OSBPL8: variants seen among roughly 807,000 people sequenced by gnomAD.
OSBPL8 encodes the protein oxysterol binding protein like 8, also known as oxysterol-binding protein-related protein 8.
Under a neutral mutation model 125.5 loss-of-function variants are expected in OSBPL8, and 59 were observed. That is an observed-to-expected ratio of 0.47 (90% CI 0.38 to 0.58). OSBPL8 has a LOEUF of 0.58. OSBPL8 is among the 20% of genes least tolerant of loss of function. The pLI, the probability that OSBPL8 is intolerant of heterozygous loss-of-function variation, is 0.00. For missense variants in OSBPL8, 758 were observed against 1,047.8 expected, an observed-to-expected ratio of 0.72 and a Z score of 3.82; for synonymous variants, 330 against 338.9, an observed-to-expected ratio of 0.97 and a Z score of 0.29.
At chr12:76,358,610 CACA>C in intron 22 of OSBPL8, 93 bp downstream of exon 22, 1 of 1,101,756 alleles carries the variant, frequency 9.1e-7, no homozygotes, top group Non-Finnish European at 1.4e-6. Flanking sequence ...GACCAAAACT[CACA>C]TAACTTGAGT....
chr12:76,506,907 C>T (rs1489553835), intron 1 of OSBPL8, among the ~76,000 whole-genome samples: 2 of 152,012 alleles, frequency 1.3e-5, no homozygotes, highest in Admixed American at 6.5e-5. Flanking sequence ...TGGCAGTAGG[C>T]TGTAAGGAAC....
intron 1 of OSBPL8, among the ~76,000 whole-genome samples, chr12:76,510,468 CA>C (rs778002044): frequency 1.3e-5 from 2 of 152,210 alleles, no homozygotes; most frequent in East Asian, 3.8e-4. Flanking sequence ...AAAGAAATTT[CA>C]TTTCCCATTA....
intron 2 of OSBPL8, among the ~76,000 whole-genome samples, chr12:76,472,703 T>C (rs890465485): frequency 1.3e-5 from 2 of 152,178 alleles, no homozygotes; most frequent in Non-Finnish European, 2.9e-5. Flanking sequence ...CTTACACCAT[T>C]ATTTCTGTAT....
At chr12:76,479,603 T>C (rs972425457) in intron 2 of OSBPL8, among the ~76,000 whole-genome samples, 2 of 152,196 alleles carry the variant, frequency 1.3e-5, no homozygotes, top group Non-Finnish European at 2.9e-5. Context: ...CAACACCATT[T>C]ATACATCATT....
intron 2 of OSBPL8, among the ~76,000 whole-genome samples, chr12:76,466,791 T>C (rs1488024538): frequency 6.6e-6 from 1 of 151,914 alleles, no homozygotes; most frequent in Admixed American, 6.6e-5. Context: ...AAACGTCGTA[T>C]CTACTAAAAA....
chr12:76,533,970 T>C (rs1389412985), intron 1 of OSBPL8, among the ~76,000 whole-genome samples: 1 of 152,226 alleles, frequency 6.6e-6, no homozygotes, highest in African/African-American at 2.4e-5. Context: ...AAAACATTCA[T>C]ATATAATCAA....
Position 76,472,601 on chromosome 12 carries a change from G to C in OSBPL8, c.43-12706C>G, listed in dbSNP as rs187135717. Reference sequence around the variant, plus strand: ...GGAGTGTGAGCCATCTCCAATGATAGGTAAGGTCACGTGGGTCACGTGTCC... The same window carrying C: ...GGAGTGTGAGCCATCTCCAATGATACGTAAGGTCACGTGGGTCACGTGTCC... On this transcript the variant is annotated intron_variant, in intron 2 of 23. Transcript: ENST00000261183. 6.1e-3 allele frequency among the ~76,000 whole-genome samples: 927 copies of C among 152,330 alleles called. 19 individuals carry two copies. Among genetic ancestry groups the C allele is most frequent in the Admixed American group, 3.9e-3 (59 of 15,310 alleles).
intron 1 of OSBPL8, among the ~76,000 whole-genome samples, chr12:76,509,743 G>C (rs529038011): frequency 2.1e-4 from 32 of 152,284 alleles, no homozygotes; most frequent in African/African-American, 7.7e-4. Flanking sequence ...GTGGATTAGA[G>C]GTGTGCCGTG....
chr12:76,450,901 G>C lies in OSBPL8; in HGVS notation c.167C>G (p.Thr56Ser). The C allele has an allele frequency of 6.2e-7, 1 of 1,613,956 alleles. No homozygotes were observed. Among genetic ancestry groups the C allele is most frequent in the Non-Finnish European group, 8.5e-7 (1 of 1,179,946 alleles). Reference sequence around the variant, plus strand: ...AAGAGATGGCTGATGCAAATCTTTGGTTGGCGTTGGATAAGCTTCTTTTCC... The same window carrying C: ...AAGAGATGGCTGATGCAAATCTTTGCTTGGCGTTGGATAAGCTTCTTTTCC... ...RQGKEAYPTP[T>S]KDLHQPSLSP... Residue 56 changes from threonine to serine, a missense_variant, in exon 4 of 24, where the codon ACC (threonine) becomes AGC (serine). By Grantham distance (58) the Thr-to-Ser change is moderately conservative. Transcript: ENST00000261183.
At chr12:76,363,775 T>C (rs1396941086) in intron 21 of OSBPL8, among the ~76,000 whole-genome samples, 1 of 152,112 alleles carries the variant, frequency 6.6e-6, no homozygotes, top group East Asian at 1.9e-4. Context: ...CAAAGGCTAA[T>C]ATCCAGAATC....
At chr12:76,466,788 G>A (rs986570877) in intron 2 of OSBPL8, among the ~76,000 whole-genome samples, 8 of 151,826 alleles carry the variant, frequency 5.3e-5, no homozygotes, top group Admixed American at 3.3e-4. Flanking sequence ...GTGAAACGTC[G>A]TATCTACTAA....
intron 4 of OSBPL8, among the ~76,000 whole-genome samples, chr12:76,424,953 G>C (rs944208922): frequency 2.6e-5 from 4 of 152,154 alleles, no homozygotes; most frequent in Admixed American, 2.6e-4. Flanking sequence ...TGGTCTTGCA[G>C]ATCCAAGAAA....
intron 5 of OSBPL8, among the ~76,000 whole-genome samples, chr12:76,410,211 T>C (rs758227719): frequency 6.6e-6 from 1 of 152,214 alleles, no homozygotes; most frequent in Admixed American, 6.5e-5. Context: ...GTATTTTGAT[T>C]GTCATCTGAA....
chr12:76,392,685 G>C lies in OSBPL8; in HGVS notation c.825C>G (p.Ile275Met). Residue 275 changes from isoleucine (I) to methionine (M), a missense_variant, in exon 10 of 24, where the codon ATC becomes ATG. By Grantham distance (10) the Ile-to-Met change is conservative (BLOSUM62 1). Around this residue, in one of 3 missense-constraint regions of OSBPL8, gnomAD observed 572 missense variants for 762.0 expected, o/e 0.75. Transcript: ENST00000261183. ...TCAGGTCATGTTCCTTTCCTTCTCT[G>C]ATCATTGTACGTTTAAGAAGACTAG... The part of the protein sequence containing the change: ...KCSSLLKRTM[I>M]REGKEHDLSV... 3.1e-6 allele frequency: 5 copies of C among 1,613,976 alleles called. No homozygotes were observed. The highest frequency in any genetic ancestry group is 4.2e-6 in the Non-Finnish European group (5 of 1,179,910).
At chr12:76,407,988 T>C (rs1168666301) in intron 5 of OSBPL8, among the ~76,000 whole-genome samples, 2 of 151,924 alleles carry the variant, frequency 1.3e-5, no homozygotes, top group African/African-American at 4.8e-5. Flanking sequence ...AACGTTAAAA[T>C]GGCCCAAGTA....
intron 2 of OSBPL8, among the ~76,000 whole-genome samples, chr12:76,476,466 C>T (rs1188976747): frequency 6.6e-6 from 1 of 151,378 alleles, no homozygotes; most frequent in Non-Finnish European, 1.5e-5. Context: ...ATTTTTAAAG[C>T]CGATAATACT....
chr12:76,517,348 A>G (rs1881645902), intron 1 of OSBPL8, among the ~76,000 whole-genome samples: 1 of 152,202 alleles, frequency 6.6e-6, no homozygotes, highest in Non-Finnish European at 1.5e-5. Flanking sequence ...ACTTTTTATT[A>G]CCTACTGTAA....
At chr12:76,418,256 C>T (rs575946673) in intron 4 of OSBPL8, among the ~76,000 whole-genome samples, 4 of 152,024 alleles carry the variant, frequency 2.6e-5, no homozygotes, top group Non-Finnish European at 4.4e-5. Context: ...CTGCCCACCT[C>T]GGCTTCCCAA....
chr12:76,400,358 A>G (rs1953999468), intron 6 of OSBPL8, among the ~76,000 whole-genome samples: 1 of 152,242 alleles, frequency 6.6e-6, no homozygotes, highest in African/African-American at 2.4e-5. Flanking sequence ...ATGGCCACAT[A>G]GTATTCCATG....
Sources: allele counts gnomAD v4.1 joint callset (sites outside exome capture counted in the v4.1 genomes callset), GRCh38; gene constraint gnomAD v4.1.1; regional missense constraint gnomAD v4.1.1; transcripts MANE v1.5; gene names NCBI Gene and HGNC (gene_info 2026-07-23, HGNC 2026-07-21).